Variants in EIF4G3 observed in about 807,000 individuals in gnomAD.
The protein encoded by EIF4G3 is eukaryotic translation initiation factor 4 gamma 3.
In EIF4G3, 34 loss-of-function variants were observed where a neutral mutation model predicts 186.4. That is an observed-to-expected ratio of 0.18 (90% confidence interval 0.14 to 0.24). The LOEUF is 0.24. Among genes scored for constraint, EIF4G3 ranks in the 10% least tolerant of loss-of-function variants. The pLI is 1.00. For synonymous variants in EIF4G3, 673 were observed against 679.5 expected (o/e 0.99, Z 0.15); for missense variants, 1,536 against 1,948.5 (o/e 0.79, Z 3.99).
At chr1:21,054,962 G>C (rs1388478469) in intron 3 of EIF4G3, among the ~76,000 whole-genome samples, 2 of 152,020 alleles carry the variant, frequency 1.3e-5, no homozygotes, top group Admixed American at 1.3e-4. Flanking sequence ...AAATAACTTT[G>C]ATTATGATTT....
intron 2 of EIF4G3, among the ~76,000 whole-genome samples, chr1:21,095,096 G>T (rs2096328928): frequency 6.6e-6 from 1 of 152,058 alleles, no homozygotes; most frequent in Non-Finnish European, 1.5e-5. Flanking sequence ...AAATACAGTG[G>T]TTATGTATAT....
intron 3 of EIF4G3, among the ~76,000 whole-genome samples, chr1:21,071,527 A>T (rs2095439775): frequency 6.6e-6 from 1 of 152,116 alleles, no homozygotes; most frequent in Admixed American, 6.6e-5. Context: ...ATCTGCAAAA[A>T]CTGGCATTTG....
At chr1:21,035,392 A>G (rs2154572258) in intron 4 of EIF4G3, among the ~76,000 whole-genome samples, 1 of 152,250 alleles carries the variant, frequency 6.6e-6, no homozygotes, top group East Asian at 1.9e-4. Flanking sequence ...CCAGCCACTC[A>G]GGTCATGGCT....
intron 7 of EIF4G3, among the ~76,000 whole-genome samples, chr1:20,997,030 C>G (rs2082434305): frequency 6.6e-6 from 1 of 151,488 alleles, no homozygotes; most frequent in Admixed American, 6.6e-5. Flanking sequence ...TTTAAAAAAC[C>G]AATAGGATAA....
chr1:20,849,717 C>T (rs1173329127), intron 28 of EIF4G3, among the ~76,000 whole-genome samples, 187 bp from the exon 29 acceptor site: 1 of 152,182 alleles, frequency 6.6e-6, no homozygotes, highest in African/African-American at 2.4e-5. Context: ...TTATAATCTA[C>T]AATAACAATG....
chr1:20,844,084 T>C (rs2069773560), intron 29 of EIF4G3, among the ~76,000 whole-genome samples: 1 of 152,176 alleles, frequency 6.6e-6, no homozygotes, highest in Admixed American at 6.5e-5. Flanking sequence ...GATTGCATGT[T>C]TTTGCTATTG....
At chr1:20,841,887 G>C (rs1310089866) in intron 29 of EIF4G3, among the ~76,000 whole-genome samples, 1 of 151,858 alleles carries the variant, frequency 6.6e-6, no homozygotes. Context: ...GGAAGGGGGA[G>C]GATGTAGGTA....
intron 4 of EIF4G3, among the ~76,000 whole-genome samples, chr1:21,021,607 G>C (rs1048889586): frequency 6.6e-5 from 10 of 152,020 alleles, no homozygotes; most frequent in African/African-American, 2.4e-4. Context: ...CCAGGCTGGA[G>C]TGCAGGGGTG....
intron 34 of EIF4G3, 75 bp from the exon 35 acceptor site, chr1:20,813,314 A>T: frequency 9.0e-7 from 1 of 1,109,144 alleles, no homozygotes; most frequent in South Asian, 1.3e-5. Flanking sequence ...CTGTAATCCC[A>T]ACACTTTGGG....
At chr1:21,141,866 C>T (rs180808756) in intron 2 of EIF4G3, among the ~76,000 whole-genome samples, 88 of 151,524 alleles carry the variant, frequency 5.8e-4, no homozygotes, top group African/African-American at 1.9e-3. Flanking sequence ...GGGAAATCGA[C>T]GCTGCAGTGA....
intron 2 of EIF4G3, among the ~76,000 whole-genome samples, chr1:21,166,815 T>C (rs2097863254): frequency 2.0e-5 from 3 of 152,108 alleles, no homozygotes; most frequent in African/African-American, 7.2e-5. Context: ...AGGGTCTCAC[T>C]CTGTCACCCA....
intron 19 of EIF4G3, among the ~76,000 whole-genome samples, chr1:20,881,914 G>C (rs1233057736): frequency 2.0e-4 from 31 of 152,046 alleles, no homozygotes. Context: ...TATAATCCCA[G>C]CTCTTTGGAA....
chr1:20,822,425 T>C (rs552140159), intron 33 of EIF4G3, among the ~76,000 whole-genome samples: 48 of 131,864 alleles, frequency 3.6e-4, no homozygotes, highest in African/African-American at 1.2e-3. Flanking sequence ...AGTGCAATGG[T>C]GCAATCTTGG....
intron 2 of EIF4G3, among the ~76,000 whole-genome samples, chr1:21,121,328 C>T (rs1310349412): frequency 6.6e-6 from 1 of 152,090 alleles, no homozygotes; most frequent in African/African-American, 2.4e-5. Flanking sequence ...TTATTTCAAA[C>T]ACAAAATTAC....
chr1:20,959,093 TC>T (rs898125760), intron 12 of EIF4G3, among the ~76,000 whole-genome samples: 8 of 151,828 alleles, frequency 5.3e-5, no homozygotes, highest in Admixed American at 1.3e-4. Context: ...GCCAAAGCAA[TC>T]CTAGGCAAAA....
At chr1:21,129,989 C>A (rs2097124268) in intron 2 of EIF4G3, among the ~76,000 whole-genome samples, 2 of 152,204 alleles carry the variant, frequency 1.3e-5, no homozygotes, top group Non-Finnish European at 1.5e-5. Flanking sequence ...CTAGCACAAT[C>A]CTAGCACCTA....
intron 3 of EIF4G3, among the ~76,000 whole-genome samples, chr1:21,082,159 T>C (rs919352789): frequency 6.8e-6 from 1 of 147,536 alleles, no homozygotes; most frequent in Non-Finnish European, 1.5e-5. Flanking sequence ...TGACGGACAT[T>C]AGTGTAAAAA....
At chr1:20,860,278 T>C in intron 24 of EIF4G3, 107 bp downstream of exon 24, 3 of 1,474,486 alleles carry the variant, frequency 2.0e-6, no homozygotes, top group Non-Finnish European at 2.8e-6. Context: ...ACCACTCTAT[T>C]CTTTGGGCTG....
At chr1:21,170,862 CCTGTAAT>C (rs2097950075) in intron 2 of EIF4G3, among the ~76,000 whole-genome samples, 1 of 151,944 alleles carries the variant, frequency 6.6e-6, no homozygotes, top group South Asian at 2.1e-4. Flanking sequence ...GTGGTACACA[CCTGTAAT>C]CCCAGCTACT....
Sources: allele counts gnomAD v4.1 joint callset (sites outside exome capture counted in the v4.1 genomes callset), GRCh38; gene constraint gnomAD v4.1.1; transcripts MANE v1.5; gene names NCBI Gene and HGNC (gene_info 2026-07-23, HGNC 2026-07-21).